Variants in MCM7 observed in about 807,000 individuals in gnomAD.
MCM7 encodes the protein minichromosome maintenance complex component 7.
MCM7 carries 95 observed loss-of-function variants against 83.5 expected under a neutral mutation model. The observed-to-expected ratio is 1.14, with a 90% CI of 0.96 to 1.35. The LOEUF (loss-of-function observed/expected upper bound fraction) is 1.35, where lower values mean the gene tolerates loss of function less well. MCM7 is among the 40% of genes most tolerant of loss of function. MCM7 has a pLI of 0.00. For synonymous variants in MCM7, 461 were observed against 352.7 expected, an observed-to-expected ratio of 1.31 and a Z score of -3.44; for missense variants, 1,087 against 957.4, an observed-to-expected ratio of 1.14 and a Z score of -1.79.
Position 100,101,367 on chromosome 7 carries a change from C to T in MCM7, c.-73G>A. ...CTCCTGGGGAAGCTGAGAATCTCCG[C>T]GCGGTGGACTGTGGCCGGCCAACCG... On this transcript the variant is annotated 5_prime_UTR_variant, in exon 1 of 15. Coordinates refer to ENST00000303887, the MANE Select transcript of MCM7 (RefSeq NM_005916.5). The T allele has an allele frequency of 1.3e-6, 2 of 1,597,560 alleles. No individual in the cohort carries two copies. The highest frequency in any genetic ancestry group is 1.7e-6 in the Non-Finnish European group (2 of 1,169,710).
chr7:100,100,497 AC>A (rs1562900934), intron 1 of MCM7: 3 of 982,194 alleles, frequency 3.1e-6, no homozygotes, highest in African/African-American at 1.9e-5. Flanking sequence ...ACCGCACCCC[AC>A]CCCCGCTCCC....
chr7:100,095,241 A>T (rs1229004848), intron 12 of MCM7, 146 bp downstream of exon 12: 1 of 740,054 alleles, frequency 1.4e-6, no homozygotes, highest in Non-Finnish European at 2.4e-6. Context: ...GGAATTTTCC[A>T]CTTAAAAGCT....
chr7:100,100,470 C>T (rs1795918880), intron 1 of MCM7: 1 of 907,562 alleles, frequency 1.1e-6, no homozygotes, highest in East Asian at 1.3e-4. Flanking sequence ...CCGGGACCTC[C>T]GCCACCGCAC....
chr7:100,100,205 A>G (rs1426721730), intron 1 of MCM7, 112 bp from the exon 2 acceptor site: 2 of 1,470,310 alleles, frequency 1.4e-6, no homozygotes, highest in African/African-American at 2.8e-5. Context: ...GCATTTAAAT[A>G]AACCTACCGA....
At chr7:100,093,227 C>T in intron 14 of MCM7, 65 bp downstream of exon 14, 1 of 1,592,712 alleles carries the variant, frequency 6.3e-7, no homozygotes. Context: ...GAATTGAGGC[C>T]AACCTCAGAC....
chr7:100,096,200 GAAAGAACAAGAA>G, intron 10 of MCM7, 33 bp from the exon 11 acceptor site: 1 of 1,521,094 alleles, frequency 6.6e-7, no homozygotes, highest in Non-Finnish European at 8.8e-7. Context: ...CCATGAGAGA[GAAAGAACAAGAA>G]AGAGAACAAG....
rs373668982 is a variant in MCM7, at chr7:100,095,755, G to A, written c.1595+19C>T. On this transcript the variant is annotated intron_variant, in intron 11 of 14. Transcript: ENST00000303887. ...GATCATTACAGGGGACCTCTCTTTGGGTGTTGAGCTTCATTCACCGTAGGT... is the reference window on the plus strand; with the variant it reads ...GATCATTACAGGGGACCTCTCTTTGAGTGTTGAGCTTCATTCACCGTAGGT... 6.4e-7 allele frequency: 1 copy of A among 1,550,502 alleles called. No homozygotes were observed. Among genetic ancestry groups the A allele is most frequent in the Non-Finnish European group, 8.7e-7 (1 of 1,150,704 alleles).
Position 100,098,237 on chromosome 7 carries a change from T to C in MCM7, c.774A>G (p.Glu258=). ...GCTGGGCAATCCTTGTGTTCTCTCC[T>C]TCTACCAGCACCGTGATACTACGAG... The part of the protein sequence containing the change: ...NIPRSITVLV[E]GENTRIAQPG... Residue 258 remains glutamate (E), a synonymous_variant, in exon 7 of 15, where the codon GAA becomes GAG. Transcript: ENST00000303887. 6.2e-7 allele frequency: 1 copy of C among 1,614,138 alleles called. No individual in the cohort carries two copies. Among genetic ancestry groups the C allele is most frequent in the African/African-American group, 1.3e-5 (1 of 75,040 alleles).
Position 100,098,202 on chromosome 7 carries a change from TGGTCTCCA to T in MCM7, c.801_808del (p.Gly268ArgfsTer40). 6.2e-7 allele frequency: 1 copy of T among 1,614,172 alleles called. No individual in the cohort carries two copies. Among genetic ancestry groups the T allele is most frequent in the Non-Finnish European group, 8.5e-7 (1 of 1,180,018 alleles). ...CAAGAAAATACCAGTGACGCTGACG[TGGTCTCCA>T]GGCTGGGCAATCCTTGTGTTCTCTC... On this transcript the variant is annotated frameshift_variant, in exon 7 of 15. Coordinates refer to ENST00000303887, the MANE Select transcript of MCM7 (RefSeq NM_005916.5). LOFTEE classifies it high-confidence loss of function.
chr7:100,095,263 C>T, intron 12 of MCM7, 124 bp downstream of exon 12: 1 of 832,010 alleles, frequency 1.2e-6, no homozygotes, highest in Non-Finnish European at 2.0e-6. Flanking sequence ...ATCTGAGGCT[C>T]TGGACATGTC....
chr7:100,095,476 C>T lies in MCM7; in HGVS notation c.1596-6G>A. On this transcript the variant is annotated splice_region_variant and splice_polypyrimidine_tract_variant and intron_variant, in intron 11 of 14. Transcript: ENST00000303887. ...AGGTGATGTGCTGGGCCAACCTGGA[C>T]AGAGGGAAGGTTAGAAGGAACACCC... The T allele has an allele frequency of 1.9e-6, 3 of 1,613,794 alleles. No homozygotes were observed. Among genetic ancestry groups the T allele is most frequent in the Non-Finnish European group, 2.5e-6 (3 of 1,179,822 alleles).
chr7:100,094,387 G>T, intron 12 of MCM7, 46 bp from the exon 13 acceptor site: 1 of 1,609,116 alleles, frequency 6.2e-7, no homozygotes, highest in Non-Finnish European at 8.5e-7. Context: ...AGATGGGGAA[G>T]GGAGTGAATA....
chr7:100,093,892 C>G, intron 13 of MCM7: 2 of 674,718 alleles, frequency 3.0e-6, no homozygotes, highest in Non-Finnish European at 5.7e-6. Flanking sequence ...GTCTGTAGCA[C>G]AGGATCTAGG....
Position 100,101,356 on chromosome 7 carries a change from G to A in MCM7, c.-62C>T, listed in dbSNP as rs1796018663. The A allele has an allele frequency of 6.2e-7, 1 of 1,606,216 alleles. No individual in the cohort carries two copies. On this transcript the variant is annotated 5_prime_UTR_variant, in exon 1 of 15. Transcript: ENST00000303887. ...CAGAGGTCTTGCTCCTGGGGAAGCT[G>A]AGAATCTCCGCGCGGTGGACTGTGG...
Position 100,097,285 on chromosome 7 carries a change from A to C in MCM7, c.1201+16T>G, listed in dbSNP as rs1795690464. The C allele has an allele frequency of 6.2e-7, 1 of 1,612,856 alleles. No homozygotes were observed. The highest frequency in any genetic ancestry group is 1.3e-5 in the African/African-American group (1 of 74,862). Reference sequence around the variant, plus strand: ...TCTGTCACTATATTCACCTCCCGCAAAGCCCAACTACTTACTGCGAGGCGC... The same window carrying C: ...TCTGTCACTATATTCACCTCCCGCACAGCCCAACTACTTACTGCGAGGCGC... On this transcript the variant is annotated intron_variant, in intron 10 of 14. Coordinates refer to ENST00000303887, the MANE Select transcript of MCM7 (RefSeq NM_005916.5).
chr7:100,098,957 G>A (rs1437513077), intron 5 of MCM7, 66 bp downstream of exon 5: 3 of 1,592,928 alleles, frequency 1.9e-6, no homozygotes, highest in African/African-American at 1.3e-5. Context: ...GGCATCACAG[G>A]ATCAAATTAA....
Position 100,099,584 on chromosome 7 carries a change from C to G in MCM7, c.276+5G>C. 6.2e-7 allele frequency: 1 copy of G among 1,613,560 alleles called. No individual in the cohort carries two copies. On this transcript the variant is annotated splice_donor_5th_base_variant and intron_variant, in intron 3 of 14. Coordinates refer to ENST00000303887, the MANE Select transcript of MCM7 (RefSeq NM_005916.5). ...TTTGTTTGCCATTGTTCTCTAACCA[C>G]TCACTTCCCTCTCCTTGTACTGAGG... is the stretch of plus-strand genomic sequence containing the variant.
At position 100,100,752 on chromosome 7, in the gene MCM7, G is replaced by A. The variant is rs1297572026; in HGVS notation, c.31+512C>T. The A allele has an allele frequency of 1.2e-5, 12 of 991,612 alleles. No homozygotes were observed. The South Asian group carries it at 1.7e-4, about 14-fold the overall frequency. The allele number at this position is 991,612 out of a possible 1,614,324, so 61.4% of individuals were successfully genotyped here. ...CCGCGCGGAAGGACACTGTTTACAC[G>A]ACACTCCCTCCAGCCTCCTCGCGCC... On this transcript the variant is annotated intron_variant, in intron 1 of 14. Transcript: ENST00000303887.
At position 100,095,911 on chromosome 7, in the gene MCM7, A is replaced by G. The variant is rs1795608213; in HGVS notation, c.1458T>C (p.Ala486=). Residue 486 remains alanine (A), a synonymous_variant, in exon 11 of 15, where the codon GCT becomes GCC. Coordinates refer to ENST00000303887, the MANE Select transcript of MCM7 (RefSeq NM_005916.5). The part of the protein sequence containing the change: ...TTLNARCSIL[A]AANPAYGRYN... ...AGCGCCCGTAGGCAGGGTTGGCGGC[A>G]GCCAGGATGGAGCAGCGGGCATTGA... The G allele has an allele frequency of 6.2e-7, 1 of 1,614,052 alleles. No homozygotes were observed. The highest frequency in any genetic ancestry group is 8.5e-7 in the Non-Finnish European group (1 of 1,180,012).
Sources: gnomAD v4.1 joint callset for allele counts on GRCh38, gnomAD v4.1.1 for gene constraint, MANE v1.5 for transcripts, NCBI Gene and HGNC (gene_info 2026-07-23, HGNC 2026-07-21) for gene names.